Variants in GDPD4 observed in about 807,000 individuals in gnomAD.
The protein encoded by GDPD4 is glycerophosphodiester phosphodiesterase domain containing 4, also known as glycerophosphodiester phosphodiesterase 6.
Under a neutral mutation model 67.8 loss-of-function variants are expected in GDPD4, and 60 were observed. The observed-to-expected ratio is 0.88, with a 90% CI of 0.72 to 1.10. GDPD4 has a LOEUF of 1.10. Among genes scored for constraint, GDPD4 ranks in the 50% least tolerant of loss-of-function variants. The pLI is 0.00. For missense variants in GDPD4, 623 were observed against 613.9 expected, an observed-to-expected ratio of 1.01 and a Z score of -0.16; for synonymous variants, 212 against 210.9, an observed-to-expected ratio of 1.00 and a Z score of -0.04.
intron 14 of GDPD4, 108 bp from the exon 15 acceptor site, chr11:77,229,340 G>A: frequency 3.1e-6 from 2 of 647,698 alleles, no homozygotes; most frequent in Non-Finnish European, 5.4e-6. Context: ...GAGAGGAAGA[G>A]GGGATAGACA....
chr11:77,233,938 G>A (rs1958501566), intron 13 of GDPD4, among the ~76,000 whole-genome samples: 1 of 152,172 alleles, frequency 6.6e-6, no homozygotes, highest in Non-Finnish European at 1.5e-5. Context: ...GGATACTTGT[G>A]AACTGTTTAT....
At chr11:77,232,987 T>C (rs1207264527) in intron 14 of GDPD4, 38 bp downstream of exon 14, 3 of 1,610,722 alleles carry the variant, frequency 1.9e-6, no homozygotes, top group South Asian at 2.2e-5. Context: ...ACTGCTATCA[T>C]ACCAAGCCTG....
chr11:77,220,869 G>A (rs1027013638), intron 16 of GDPD4, among the ~76,000 whole-genome samples: 4 of 152,126 alleles, frequency 2.6e-5, no homozygotes, highest in Non-Finnish European at 5.9e-5. Flanking sequence ...CTTAATTATT[G>A]CCTCAATTTC....
chr11:77,273,384 G>C (rs1397208476), intron 5 of GDPD4, among the ~76,000 whole-genome samples: 1 of 152,078 alleles, frequency 6.6e-6, no homozygotes, highest in Non-Finnish European at 1.5e-5. Flanking sequence ...CTCAACCAAG[G>C]TAGTTAACTT....
At chr11:77,222,847 C>T (rs1958254040) in intron 16 of GDPD4, among the ~76,000 whole-genome samples, 1 of 152,180 alleles carries the variant, frequency 6.6e-6, no homozygotes, top group African/African-American at 2.4e-5. Context: ...GTTCCATTCT[C>T]CCCGTCACTT....
chr11:77,232,075 CT>C (rs1365920979), intron 14 of GDPD4, among the ~76,000 whole-genome samples: 2 of 152,076 alleles, frequency 1.3e-5, no homozygotes, highest in Non-Finnish European at 2.9e-5. Context: ...GAGGAGGTGA[CT>C]TGAGGCCCCT....
intron 13 of GDPD4, among the ~76,000 whole-genome samples, chr11:77,233,641 A>C (rs1958498052): frequency 6.6e-6 from 1 of 152,086 alleles, no homozygotes; most frequent in Non-Finnish European, 1.5e-5. Context: ...ATGTAGCAGC[A>C]CCTATATACT....
intron 11 of GDPD4, among the ~76,000 whole-genome samples, chr11:77,255,453 A>G (rs2135855814): frequency 6.6e-6 from 1 of 152,228 alleles, no homozygotes; most frequent in East Asian, 1.9e-4. Context: ...AGTCCCAGCT[A>G]TTCAGGAGGC....
chr11:77,235,009 G>GTTTTTTGTTTTTTTTT lies in GDPD4; in HGVS notation c.1242-1838_1242-1837insAAAAAAAAACAAAAAA, dbSNP rs1958524952. Among the ~76,000 whole-genome samples the GTTTTTTGTTTTTTTTT allele has an allele frequency of 3.8e-4, 20 of 52,262 alleles. 2 individuals carry two copies. The highest frequency in any genetic ancestry group is 1.3e-3 in the African/African-American group (20 of 15,848). 34.3% of individuals were successfully genotyped at this position (52,262 alleles called of 152,430 possible). On this transcript the variant is annotated intron_variant, in intron 13 of 16. Coordinates refer to ENST00000315938, the MANE Select transcript of GDPD4 (RefSeq NM_182833.3). ...TCTCTCTGCAACCTTGTCAATATCT[G>GTTTTTTGTTTTTTTTT]TTTTTTTTTTTTTTTTTTTTTTTTT...
intron 13 of GDPD4, among the ~76,000 whole-genome samples, chr11:77,234,147 A>C (rs1177650543): frequency 6.6e-6 from 1 of 152,212 alleles, no homozygotes; most frequent in African/African-American, 2.4e-5. Flanking sequence ...CGAGCTTAGT[A>C]AATTCTTGGC....
chr11:77,248,993 A>G (rs1323404524), intron 11 of GDPD4, among the ~76,000 whole-genome samples: 1 of 151,406 alleles, frequency 6.6e-6, no homozygotes, highest in African/African-American at 2.4e-5. Flanking sequence ...GAGGCTGGGC[A>G]AGGTGGTTCA....
intron 2 of GDPD4, among the ~76,000 whole-genome samples, chr11:77,285,584 C>A (rs2135888673): frequency 6.6e-6 from 1 of 152,282 alleles, no homozygotes; most frequent in South Asian, 2.1e-4. Flanking sequence ...TTAATTGGTT[C>A]ATTTAGTCAT....
chr11:77,252,219 C>T (rs1958918744), intron 11 of GDPD4, among the ~76,000 whole-genome samples: 1 of 151,982 alleles, frequency 6.6e-6, no homozygotes, highest in Admixed American at 6.6e-5. Flanking sequence ...CATGCCACCA[C>T]ACCTGGCTAA....
intron 16 of GDPD4, among the ~76,000 whole-genome samples, chr11:77,217,669 G>A (rs1282283683): frequency 1.4e-4 from 21 of 152,176 alleles, no homozygotes; most frequent in Non-Finnish European, 3.1e-4. Context: ...AAAGGGCAGA[G>A]ACTTTGTCTT....
At position 77,271,236 on chromosome 11, in the gene GDPD4, C is replaced by A. The variant is rs1156819433; in HGVS notation, c.307-13G>T. 1.2e-6 allele frequency: 2 copies of A among 1,611,222 alleles called. No individual in the cohort carries two copies. The highest frequency in any genetic ancestry group is 4.5e-5 in the East Asian group (2 of 44,878). ...AGGGAGCAAAGATCTGTGAGAAAGC[C>A]AAAAGTCAGGCTGGATACATCTAGA... On this transcript the variant is annotated splice_polypyrimidine_tract_variant and intron_variant, in intron 6 of 16. Coordinates refer to ENST00000315938, the MANE Select transcript of GDPD4 (RefSeq NM_182833.3).
intron 5 of GDPD4, among the ~76,000 whole-genome samples, chr11:77,274,392 G>A (rs1262315443): frequency 6.6e-6 from 1 of 152,158 alleles, no homozygotes; most frequent in Admixed American, 6.5e-5. Context: ...TTGGATCATG[G>A]GGACAGCTCC....
chr11:77,223,005 A>T (rs1958257428), intron 16 of GDPD4, among the ~76,000 whole-genome samples: 1 of 152,100 alleles, frequency 6.6e-6, no homozygotes, highest in South Asian at 2.1e-4. Flanking sequence ...CTTCCACTTG[A>T]TCAAATCAGC....
At chr11:77,291,114 A>C (rs1408694567) in intron 1 of GDPD4, among the ~76,000 whole-genome samples, 1 of 152,198 alleles carries the variant, frequency 6.6e-6, no homozygotes, top group Non-Finnish European at 1.5e-5. Context: ...ATAGAGAACC[A>C]CCCTAAGTGT....
Position 77,217,256 on chromosome 11 carries a change from G to A in GDPD4, c.*21C>T. ...CACAACTCGGACAGGAGGTTTCATGGCTATGTGCAAATCTATCTATCTATC... is the reference window on the plus strand; with the variant it reads ...CACAACTCGGACAGGAGGTTTCATGACTATGTGCAAATCTATCTATCTATC... On this transcript the variant is annotated 3_prime_UTR_variant, in exon 17 of 17. Coordinates refer to ENST00000315938, the MANE Select transcript of GDPD4 (RefSeq NM_182833.3). 1.9e-6 allele frequency: 3 copies of A among 1,580,884 alleles called. No individual in the cohort carries two copies. Among genetic ancestry groups the A allele is most frequent in the Non-Finnish European group, 8.7e-7 (1 of 1,149,680 alleles).
Sources: allele counts gnomAD v4.1 joint callset (sites outside exome capture counted in the v4.1 genomes callset), GRCh38; gene constraint gnomAD v4.1.1; transcripts MANE v1.5; gene names NCBI Gene and HGNC (gene_info 2026-07-23, HGNC 2026-07-21).